HYCC2: variants seen among roughly 807,000 people sequenced by gnomAD.
HYCC2 encodes hyccin 2.
At chr2:201,036,971 T>C in the HYCC2 span, among the ~76,000 whole-genome samples, 2 of 152,216 alleles carry the variant, frequency 1.3e-5, no homozygotes, top group African/African-American at 4.8e-5. Flanking sequence ...TGTTTGCAGA[T>C]GACATGATTG....
chr2:201,041,228 G>T, the HYCC2 span, among the ~76,000 whole-genome samples: 1 of 152,182 alleles, frequency 6.6e-6, no homozygotes, highest in East Asian at 1.9e-4. Flanking sequence ...GTGTAAATGG[G>T]TGTGTGACCT....
At chr2:200,995,428 G>A in the HYCC2 span, among the ~76,000 whole-genome samples, 18 of 152,286 alleles carry the variant, frequency 1.2e-4, 1 homozygote, top group East Asian at 1.5e-3. Flanking sequence ...GGGATCTACA[G>A]CTTGCTTCTA....
At chr2:200,999,508 C>A in the HYCC2 span, among the ~76,000 whole-genome samples, 2 of 151,760 alleles carry the variant, frequency 1.3e-5, no homozygotes, top group South Asian at 2.1e-4. Context: ...GCCTCAGCCT[C>A]CCAAGTAGCT....
At chr2:201,016,915 TA>T in the HYCC2 span, 1 of 1,454,390 alleles carries the variant, frequency 6.9e-7, no homozygotes, top group Non-Finnish European at 9.4e-7. Flanking sequence ...TATTTTTCTC[TA>T]AACATTCCTT....
chr2:201,031,217 C>T, the HYCC2 span, among the ~76,000 whole-genome samples: 1 of 152,106 alleles, frequency 6.6e-6, no homozygotes, highest in African/African-American at 2.4e-5. Flanking sequence ...ACTACCATAG[C>T]ATAGAAACCT....
chr2:201,009,878 C>G, the HYCC2 span, among the ~76,000 whole-genome samples: 1 of 151,764 alleles, frequency 6.6e-6, no homozygotes, highest in Non-Finnish European at 1.5e-5. Flanking sequence ...CCAAGGTGGG[C>G]AGATCAAGAG....
chr2:201,002,307 C>T, the HYCC2 span, among the ~76,000 whole-genome samples: 2 of 147,498 alleles, frequency 1.4e-5, no homozygotes, highest in African/African-American at 5.0e-5. Flanking sequence ...GGACAAAGGA[C>T]ATGAATATGC....
chr2:201,017,123 T>C, the HYCC2 span: 3 of 1,613,844 alleles, frequency 1.9e-6, no homozygotes, highest in African/African-American at 2.7e-5. Context: ...GTCGAACCTC[T>C]GAGCTACGAT....
the HYCC2 span, among the ~76,000 whole-genome samples, chr2:201,033,746 G>T: frequency 6.6e-6 from 1 of 151,684 alleles, no homozygotes; most frequent in Admixed American, 6.6e-5. Context: ...TTCCTATGTT[G>T]CCCAGATTGG....
At chr2:201,031,381 G>A in the HYCC2 span, among the ~76,000 whole-genome samples, 1 of 152,192 alleles carries the variant, frequency 6.6e-6, no homozygotes, top group African/African-American at 2.4e-5. Context: ...GCCGGGCACA[G>A]TGGCTCATGC....
chr2:200,992,075 G>A, the HYCC2 span, among the ~76,000 whole-genome samples: 5 of 151,976 alleles, frequency 3.3e-5, no homozygotes, highest in Non-Finnish European at 7.4e-5. Flanking sequence ...ATTTCAAAAC[G>A]TTTAGTTATT....
the HYCC2 span, chr2:201,011,291 G>A: frequency 9.7e-6 from 6 of 619,184 alleles, no homozygotes; most frequent in Non-Finnish European, 1.6e-5. Context: ...AAGCAAATCA[G>A]TAAAGATATT....
chr2:201,049,678 C>A, the HYCC2 span, among the ~76,000 whole-genome samples: 2 of 151,692 alleles, frequency 1.3e-5, no homozygotes, highest in African/African-American at 4.8e-5. Flanking sequence ...TTCAAAGACT[C>A]CCTGCATAGT....
At chr2:200,993,030 G>C in the HYCC2 span, 14 of 1,356,922 alleles carry the variant, frequency 1.0e-5, no homozygotes, top group African/African-American at 1.2e-4. Context: ...TTTAACATGT[G>C]ATTTCCAGAT....
the HYCC2 span, chr2:201,023,551 C>A: frequency 6.5e-6 from 1 of 154,200 alleles, no homozygotes; most frequent in Non-Finnish European, 1.4e-5. Flanking sequence ...TATGTTTTGC[C>A]AAAACATTTA....
chr2:201,008,845 C>T, the HYCC2 span: 1 of 620,604 alleles, frequency 1.6e-6, no homozygotes, highest in Non-Finnish European at 2.9e-6. Flanking sequence ...CTGCAGTGAG[C>T]CATGTTTGTG....
chr2:201,008,927 G>GCATA, the HYCC2 span: 1 of 1,063,410 alleles, frequency 9.4e-7, no homozygotes, highest in Non-Finnish European at 1.5e-6. Flanking sequence ...ATATATTCAT[G>GCATA]CATACATACA....
the HYCC2 span, among the ~76,000 whole-genome samples, chr2:201,033,072 A>C: frequency 2.0e-5 from 3 of 151,936 alleles, no homozygotes; most frequent in Non-Finnish European, 4.4e-5. Context: ...GGCAAGAAAA[A>C]ACTACAATTG....
At chr2:200,986,673 T>C in the HYCC2 span, among the ~76,000 whole-genome samples, 1 of 152,212 alleles carries the variant, frequency 6.6e-6, no homozygotes, top group African/African-American at 2.4e-5. Context: ...GAATAATACA[T>C]TTTAATTCCA....
Sources: gnomAD v4.1 joint callset for allele counts (sites outside exome capture counted in the v4.1 genomes callset) on GRCh38, gnomAD v4.1.1 for gene constraint, MANE v1.5 for transcripts, NCBI Gene and HGNC (gene_info 2026-07-23, HGNC 2026-07-21) for gene names.